FHAD1: variants seen among roughly 807,000 people sequenced by gnomAD.
The protein encoded by FHAD1 is forkhead-associated domain-containing protein 1.
In FHAD1, 146 loss-of-function variants were observed where a neutral mutation model predicts 191.3. That is an observed-to-expected ratio of 0.76 (90% CI 0.67 to 0.88). The LOEUF (loss-of-function observed/expected upper bound fraction) is 0.88. Ranked by LOEUF, FHAD1 falls within the 40% of genes least tolerant of loss-of-function variation. The probability of loss-of-function intolerance (pLI) is 0.00; values close to 1 mark genes in which losing one functional copy is unlikely to be tolerated. For missense variants in FHAD1, 1,635 were observed against 1,785.8 expected, an observed-to-expected ratio of 0.92 and a Z score of 1.52; for synonymous variants, 616 against 672.3, an observed-to-expected ratio of 0.92 and a Z score of 1.29.
chr1:15,332,917 AG>A (rs1682317363), intron 14 of FHAD1, among the ~76,000 whole-genome samples: 1 of 152,154 alleles, frequency 6.6e-6, no homozygotes, highest in African/African-American at 2.4e-5. Context: ...GTCAACAAGA[AG>A]GGGATAAAGA....
chr1:15,254,193 G>A (rs1647132388), intron 2 of FHAD1, among the ~76,000 whole-genome samples: 1 of 152,146 alleles, frequency 6.6e-6, no homozygotes, highest in Non-Finnish European at 1.5e-5. Context: ...CTTTCTGGGT[G>A]GCCAAGGTAG....
At chr1:15,338,656 G>A (rs1005173231) in intron 14 of FHAD1, among the ~76,000 whole-genome samples, 10 of 151,942 alleles carry the variant, frequency 6.6e-5, no homozygotes, top group South Asian at 2.1e-4. Flanking sequence ...GCCCTCCCCC[G>A]GCTCTCTGAA....
chr1:15,345,204 G>A lies in FHAD1; in HGVS notation c.2238+14G>A. The A allele has an allele frequency of 1.3e-6, 2 of 1,546,010 alleles. No homozygotes were observed. Among genetic ancestry groups the A allele is most frequent in the South Asian group, 1.2e-5 (1 of 83,924 alleles). On this transcript the variant is annotated intron_variant, in intron 17 of 33. Coordinates refer to ENST00000688493, the MANE Select transcript of FHAD1 (RefSeq NM_001391957.1). ...CAGCAGAAGAAGGTATGTGGCTCAG[G>A]GAGACAGAGTCAGCTCGAGCCCCAC... is the stretch of plus-strand genomic sequence containing the variant.
intron 5 of FHAD1, among the ~76,000 whole-genome samples, chr1:15,298,430 A>G (rs752441235): frequency 2.6e-5 from 4 of 152,318 alleles, no homozygotes; most frequent in Middle Eastern, 3.4e-3. Flanking sequence ...GATGCAGTGT[A>G]TACTGCCTAG....
rs1267788412 is a variant in FHAD1 at position 15,299,127 on chromosome 1, G to A, written c.679-2078G>A. Among the ~76,000 whole-genome samples, 4 of 147,716 alleles carry A rather than the reference G, an allele frequency of 2.7e-5. No individual in the cohort carries two copies. In the East Asian group the frequency reaches 7.8e-4, roughly 29 times the overall value. The stretch of plus-strand genomic sequence containing the variant: ...AGGTGGGAGCATCACTTGAGCCCAG[G>A]GGATCAAGGCTGCAGTGAGCTGTGA... On this transcript the variant is annotated intron_variant, in intron 5 of 33. Transcript: ENST00000688493.
chr1:15,321,910 A>G (rs567123020), intron 10 of FHAD1, among the ~76,000 whole-genome samples: 78 of 152,400 alleles, frequency 5.1e-4, no homozygotes, highest in African/African-American at 1.8e-3. Flanking sequence ...TGAATTCTGC[A>G]CTGGCAATTG....
At chr1:15,243,117 C>T (rs1645585256), upstream of FHAD1, among the ~76,000 whole-genome samples, 1 of 152,186 alleles carries the variant, frequency 6.6e-6, no homozygotes, top group Admixed American at 6.5e-5. Context: ...TAACTGAATG[C>T]TCCAAACCAG....
At position 15,320,936 on chromosome 1, in the gene FHAD1, G is replaced by GTTGT. The variant is rs1295196385; in HGVS notation, c.1365+3019_1365+3022dup. Among the ~76,000 whole-genome samples the GTTGT allele has an allele frequency of 2.0e-5, 3 of 151,976 alleles. No individual in the cohort carries two copies. In the East Asian group the frequency reaches 5.8e-4, roughly 29 times the overall value. ...TTTGAGTTGATGGGTTTGTTTTGTTGTTGTTTGTTTGTTTTTTGAGACAGA... is the reference window on the plus strand; with the variant it reads ...TTTGAGTTGATGGGTTTGTTTTGTTGTTGTTTGTTTGTTTGTTTTTTGAGACAGA... On this transcript the variant is annotated intron_variant, in intron 10 of 33. Coordinates refer to ENST00000688493, the MANE Select transcript of FHAD1 (RefSeq NM_001391957.1).
rs1398533816 is a variant in FHAD1 at position 15,313,201 on chromosome 1, A to G, written c.1170+14A>G. The G allele has an allele frequency of 5.2e-6, 8 of 1,551,428 alleles. No individual in the cohort carries two copies. The highest frequency in any genetic ancestry group is 7.0e-6 in the Non-Finnish European group (8 of 1,146,838). ...CTTGGCTCTAGAGTGAGTAAGGATG[A>G]CTGCGTCACCTTGTAGCCATCCGGT... On this transcript the variant is annotated intron_variant, in intron 8 of 33. Transcript: ENST00000688493.
chr1:15,292,752 A>G (rs1665307103), intron 4 of FHAD1, among the ~76,000 whole-genome samples: 2 of 152,174 alleles, frequency 1.3e-5, no homozygotes, highest in African/African-American at 4.8e-5. Flanking sequence ...GAGAGGCCTC[A>G]GGAGAAGCCA....
intron 2 of FHAD1, among the ~76,000 whole-genome samples, chr1:15,260,201 C>A (rs1411548795): frequency 1.3e-5 from 2 of 152,112 alleles, no homozygotes; most frequent in Non-Finnish European, 2.9e-5. Flanking sequence ...AGGCCTCTTG[C>A]CTGTGATCCT....
chr1:15,358,872 G>A (rs1255988348), intron 21 of FHAD1, among the ~76,000 whole-genome samples: 1 of 152,336 alleles, frequency 6.6e-6, no homozygotes, highest in Non-Finnish European at 1.5e-5. Flanking sequence ...TCACGAGGGT[G>A]TGGCGTTGGA....
At chr1:15,299,199 CA>C (rs35299485) in intron 5 of FHAD1, among the ~76,000 whole-genome samples, 486 of 46,378 alleles carry the variant, frequency 0.01, no homozygotes, top group South Asian at 0.02. Flanking sequence ...GACCCTGTCT[CA>C]AAAAAAAAAA....
chr1:15,317,889 A>G lies in FHAD1; in HGVS notation c.1326A>G (p.Glu442=). 6 of 1,551,776 alleles carry G rather than the reference A, an allele frequency of 3.9e-6. No homozygotes were observed. The highest frequency in any genetic ancestry group is 1.7e-4 in the Middle Eastern group (1 of 5,992). ...CAGAGCTGAGGAAGAGTTGTACTGAACAAAGCGTGATCTCTAGGACTCTGA... is the reference window on the plus strand; with the variant it reads ...CAGAGCTGAGGAAGAGTTGTACTGAGCAAAGCGTGATCTCTAGGACTCTGA... The part of the protein sequence containing the change: ...LRAELRKSCT[E]QSVISRTLRE... Residue 442 remains glutamate, a synonymous_variant, in exon 10 of 34, where the codon GAA becomes GAG. Coordinates refer to ENST00000688493, the MANE Select transcript of FHAD1 (RefSeq NM_001391957.1).
At chr1:15,292,479 G>A (rs918582523) in intron 4 of FHAD1, among the ~76,000 whole-genome samples, 17 of 152,260 alleles carry the variant, frequency 1.1e-4, no homozygotes, top group Admixed American at 5.2e-4. Context: ...GACTACAGGC[G>A]CCCGCCACCA....
downstream of FHAD1, among the ~76,000 whole-genome samples, chr1:15,399,019 A>G (rs1706811609): frequency 1.3e-5 from 2 of 152,044 alleles, no homozygotes; most frequent in Non-Finnish European, 2.9e-5. Context: ...ATGGGGTTTC[A>G]CCATGTTGGC....
Position 15,381,369 on chromosome 1 carries a change from G to A in FHAD1, c.3940G>A (p.Asp1314Asn), listed in dbSNP as rs755219375. ...LRQRDLDLVF[D>N]KITQLKNQLG... is the part of the protein sequence containing the mutation. ...ACAAAGGGACCTCGACCTGGTGTTT[G>A]ATAAGATCACCCAACTCAAGAACCA... is the stretch of plus-strand genomic sequence containing the variant. Residue 1314 changes from aspartate (D) to asparagine (N), a missense_variant, in exon 30 of 34, where the codon GAT becomes AAT. By Grantham distance (23) the Asp-to-Asn change is conservative. Transcript: ENST00000688493. This position sits in a 1 kb window ranked among gnomAD's most constrained non-coding sequence, Gnocchi z 4.6. 33 of 1,551,684 alleles carry A rather than the reference G, an allele frequency of 2.1e-5. No homozygotes were observed. In the South Asian group the frequency reaches 3.9e-4, roughly 18 times the overall value.
intron 5 of FHAD1, among the ~76,000 whole-genome samples, chr1:15,300,362 A>G (rs961781890): frequency 6.6e-6 from 1 of 152,152 alleles, no homozygotes; most frequent in Non-Finnish European, 1.5e-5. Context: ...TTTATTTTTC[A>G]TGACTCAGTT....
intron 3 of FHAD1, among the ~76,000 whole-genome samples, chr1:15,283,270 T>C (rs1417619415): frequency 6.6e-6 from 1 of 152,212 alleles, no homozygotes; most frequent in African/African-American, 2.4e-5. Context: ...ACTGCGGCCC[T>C]GTTTTAGCTG....
Sources: allele counts gnomAD v4.1 joint callset (sites outside exome capture counted in the v4.1 genomes callset), GRCh38; gene constraint gnomAD v4.1.1; non-coding constraint Gnocchi (gnomAD v3.1); transcripts MANE v1.5; gene names NCBI Gene and HGNC (gene_info 2026-07-23, HGNC 2026-07-21).